Variants in NRXN3 observed in about 807,000 individuals in gnomAD.
NRXN3 encodes the protein neurexin III.
Under a neutral mutation model 137.6 loss-of-function variants are expected in NRXN3, and 32 were observed. The ratio of observed to expected loss-of-function variants is 0.23; its 90% confidence interval spans 0.18 to 0.31. The LOEUF is 0.31. NRXN3 is among the 10% of genes least tolerant of loss of function. The pLI, the probability that NRXN3 is intolerant of heterozygous loss-of-function variation, is 1.00. For missense variants in NRXN3, 1,574 were observed against 2,062.5 expected, an observed-to-expected ratio of 0.76 and a Z score of 4.59; for synonymous variants, 798 against 784.5, an observed-to-expected ratio of 1.02 and a Z score of -0.29.
intron 15 of NRXN3, among the ~76,000 whole-genome samples, chr14:79,260,850 T>C (rs1267439308): frequency 6.6e-6 from 1 of 152,220 alleles, no homozygotes; most frequent in Non-Finnish European, 1.5e-5. Flanking sequence ...TATAGTCAAG[T>C]ACCTGGCCAC....
chr14:78,603,424 T>G (rs2097218241), intron 4 of NRXN3, among the ~76,000 whole-genome samples: 1 of 152,180 alleles, frequency 6.6e-6, no homozygotes, highest in African/African-American at 2.4e-5. Flanking sequence ...AGGGATAAAT[T>G]CCCTTTGACC....
chr14:79,087,852 G>A (rs1451735370), intron 15 of NRXN3, among the ~76,000 whole-genome samples: 1 of 152,202 alleles, frequency 6.6e-6, no homozygotes, highest in African/African-American at 2.4e-5. Context: ...TTACCTGGAA[G>A]AGTCCTCTGG....
chr14:79,026,950 TTATATATATATATA>T (rs764640398), intron 15 of NRXN3, among the ~76,000 whole-genome samples: 93 of 135,054 alleles, frequency 6.9e-4, no homozygotes, highest in East Asian at 4.2e-3. Flanking sequence ...TATTATAATT[TTATATATATATATA>T]TATATATATA....
chr14:78,472,126 G>C (rs1351117331), intron 4 of NRXN3, among the ~76,000 whole-genome samples: 2 of 152,196 alleles, frequency 1.3e-5, no homozygotes, highest in African/African-American at 2.4e-5. Flanking sequence ...GCAAGATCTA[G>C]GACACAGCTT....
intron 10 of NRXN3, among the ~76,000 whole-genome samples, chr14:78,830,961 T>C (rs2098979936): frequency 1.3e-5 from 2 of 152,196 alleles, no homozygotes; most frequent in South Asian, 2.1e-4. Context: ...ATTTCACATA[T>C]TCTTACGATC....
intron 19 of NRXN3, among the ~76,000 whole-genome samples, chr14:79,740,760 A>T (rs1303976355): frequency 2.0e-5 from 2 of 99,344 alleles, no homozygotes; most frequent in Non-Finnish European, 4.1e-5. Flanking sequence ...ATATATATAT[A>T]TATATATAAC....
chr14:78,302,636 CA>C (rs762401277), intron 4 of NRXN3, among the ~76,000 whole-genome samples: 28 of 152,204 alleles, frequency 1.8e-4, no homozygotes, highest in Non-Finnish European at 2.8e-4. Flanking sequence ...GTAAATGCCC[CA>C]CTAAGGGAGG....
At position 78,530,114 on chromosome 14, in the gene NRXN3, G is replaced by A. The variant is rs545190058; in HGVS notation, c.758-115006G>A. Among the ~76,000 whole-genome samples the A allele has an allele frequency of 5.9e-5, 9 of 152,252 alleles. No individual in the cohort carries two copies. The East Asian group carries it at 1.5e-3, about 26-fold the overall frequency. On this transcript the variant is annotated intron_variant, in intron 4 of 20. Transcript: ENST00000335750. ...CAAAATCATGACTTGGCTAATCAGA[G>A]AGATAAAAGAAAGAAAGAAAGAAAA...
At chr14:78,199,426 A>G (rs1190862637) in intron 1 of NRXN3, among the ~76,000 whole-genome samples, 1 of 152,220 alleles carries the variant, frequency 6.6e-6, no homozygotes, top group Non-Finnish European at 1.5e-5. Context: ...TTATGCACTT[A>G]CTATGTGCTG....
chr14:78,790,133 T>C (rs2098800774), intron 8 of NRXN3, among the ~76,000 whole-genome samples: 1 of 152,086 alleles, frequency 6.6e-6, no homozygotes, highest in East Asian at 1.9e-4. Flanking sequence ...AATTCAGTGG[T>C]AAAAATTGCT....
intron 4 of NRXN3, among the ~76,000 whole-genome samples, chr14:78,577,300 G>C (rs1399908391): frequency 6.6e-6 from 1 of 152,202 alleles, no homozygotes; most frequent in Non-Finnish European, 1.5e-5. Flanking sequence ...TTTAGGGTCA[G>C]AAAAGAGCTC....
Position 79,737,922 on chromosome 14 carries a change from C to T in NRXN3, c.4014+39985C>T, listed in dbSNP as rs1466450500. Among the ~76,000 whole-genome samples the T allele has an allele frequency of 2.0e-5, 3 of 152,144 alleles. No homozygotes were observed. The East Asian group carries it at 5.8e-4, about 29-fold the overall frequency. ...AAATCAAGACTACTTCCAAAAGTGG[C>T]AGGCTTCATATAGAATCCAACATTC... On this transcript the variant is annotated intron_variant, in intron 19 of 20. Coordinates refer to ENST00000335750, the MANE Select transcript of NRXN3 (RefSeq NM_001330195.2).
chr14:79,026,948 TTTTATATATATATATATA>T (rs1171932989), intron 15 of NRXN3, among the ~76,000 whole-genome samples: 2 of 87,796 alleles, frequency 2.3e-5, no homozygotes, highest in Admixed American at 1.4e-4. Flanking sequence ...ACTATTATAA[TTTTATATATATATATATA>T]TATATATATA....
chr14:78,886,639 G>A (rs1242675943), intron 10 of NRXN3, among the ~76,000 whole-genome samples: 2 of 152,044 alleles, frequency 1.3e-5, no homozygotes, highest in African/African-American at 4.8e-5. Context: ...TTAATATAAA[G>A]TATTAGTAAA....
At chr14:78,279,335 C>T (rs149013126) in intron 3 of NRXN3, among the ~76,000 whole-genome samples, 22 of 152,284 alleles carry the variant, frequency 1.4e-4, no homozygotes, top group Admixed American at 6.5e-4. Flanking sequence ...TGTGTATAGA[C>T]AAATATATAT....
Position 79,790,786 on chromosome 14 carries a change from A to G in NRXN3, c.4015-14326A>G, listed in dbSNP as rs1441367251. On this transcript the variant is annotated intron_variant, in intron 19 of 20. Coordinates refer to ENST00000335750, the MANE Select transcript of NRXN3 (RefSeq NM_001330195.2). The stretch of plus-strand genomic sequence containing the variant: ...TAGATGCATGCCACCACACCTGGCT[A>G]ATTTTTGTGTTTTTAGTAGAGGCAG... Among the ~76,000 whole-genome samples, 6 of 151,702 alleles carry G rather than the reference A, an allele frequency of 4.0e-5. 1 individual carries two copies. In the South Asian group the frequency reaches 1.3e-3, roughly 32 times the overall value.
chr14:79,694,137 G>T (rs901772257), intron 18 of NRXN3, among the ~76,000 whole-genome samples: 3 of 151,896 alleles, frequency 2.0e-5, no homozygotes, highest in African/African-American at 7.2e-5. Flanking sequence ...GTGGAGAGCT[G>T]GGTCATAGCA....
intron 11 of NRXN3, among the ~76,000 whole-genome samples, chr14:78,964,843 A>G (rs1394780474): frequency 1.3e-5 from 2 of 151,678 alleles, no homozygotes; most frequent in African/African-American, 4.8e-5. Context: ...CACCACTTCT[A>G]GGTAAAATAG....
intron 4 of NRXN3, among the ~76,000 whole-genome samples, chr14:78,570,798 A>G (rs913409610): frequency 6.6e-6 from 1 of 152,236 alleles, no homozygotes; most frequent in Admixed American, 6.5e-5. Context: ...AAAGCCGCCC[A>G]GTAGTTGAGC....
Sources: allele counts gnomAD v4.1 joint callset (sites outside exome capture counted in the v4.1 genomes callset), GRCh38; gene constraint gnomAD v4.1.1; transcripts MANE v1.5; gene names NCBI Gene and HGNC (gene_info 2026-07-23, HGNC 2026-07-21).